The following SPTBN1 variants were observed in gnomAD, a reference collection of about 807,000 sequenced individuals.
SPTBN1 encodes spectrin beta chain, non-erythrocytic 1.
Under a neutral mutation model 266.4 loss-of-function variants are expected in SPTBN1, and 32 were observed. That is an observed-to-expected ratio of 0.12 (90% confidence interval 0.09 to 0.16). The LOEUF (loss-of-function observed/expected upper bound fraction) is 0.16, where lower values mean the gene tolerates loss of function less well. Among genes scored for constraint, SPTBN1 ranks in the 10% least tolerant of loss-of-function variants. The probability of loss-of-function intolerance (pLI) is 1.00; values close to 1 mark genes in which losing one functional copy is unlikely to be tolerated. For missense variants in SPTBN1, 2,296 were observed against 3,067.1 expected (o/e 0.75, Z 5.94); for synonymous variants, 1,336 against 1,162.2 (o/e 1.15, Z -3.04).
At chr2:54,572,118 TGAG>T (rs1674127520) in intron 2 of SPTBN1, among the ~76,000 whole-genome samples, 4 of 151,996 alleles carry the variant, frequency 2.6e-5, no homozygotes, top group East Asian at 1.9e-4. Flanking sequence ...TAAACTTTGG[TGAG>T]GAGAAGAGGA....
At chr2:54,516,009 A>G (rs1156496203) in intron 1 of SPTBN1, 1 of 152,210 alleles carries the variant, frequency 6.6e-6, no homozygotes. Context: ...CTGGGTGGGT[A>G]ACTGGCCTAG....
chr2:54,462,517 T>A (rs1295194106), intron 1 of SPTBN1, among the ~76,000 whole-genome samples: 2 of 152,240 alleles, frequency 1.3e-5, no homozygotes, highest in African/African-American at 4.8e-5. Flanking sequence ...ACTGCTACTC[T>A]GAGATTACTT....
At chr2:54,624,750 C>G (rs1049888719) in intron 10 of SPTBN1, 54 bp from the exon 11 acceptor site, 87 of 1,607,294 alleles carry the variant, frequency 5.4e-5, no homozygotes, top group Non-Finnish European at 6.7e-5. Context: ...CGGAAGTTTC[C>G]TTGAACACTG....
chr2:54,474,046 G>A (rs1391283799), intron 1 of SPTBN1, among the ~76,000 whole-genome samples: 2 of 152,224 alleles, frequency 1.3e-5, no homozygotes, highest in Non-Finnish European at 2.9e-5. Flanking sequence ...GCTGCAGATG[G>A]CAGCAGGGTG....
intron 1 of SPTBN1, among the ~76,000 whole-genome samples, chr2:54,500,682 G>A (rs182495214): frequency 2.7e-4 from 41 of 152,234 alleles, no homozygotes; most frequent in Admixed American, 5.9e-4. Flanking sequence ...TAGTAGCTGG[G>A]ACTACAGATG....
intron 2 of SPTBN1, among the ~76,000 whole-genome samples, chr2:54,576,572 G>T (rs944986843): frequency 2.6e-5 from 4 of 152,088 alleles, no homozygotes; most frequent in African/African-American, 7.2e-5. Context: ...TAGTTGATGC[G>T]CCACAGCTGC....
intron 1 of SPTBN1, among the ~76,000 whole-genome samples, chr2:54,518,313 G>A (rs1294522314): frequency 1.3e-4 from 19 of 151,954 alleles, no homozygotes; most frequent in Admixed American, 1.2e-3. Context: ...ATGGGGTGGG[G>A]AGATGGGGGA....
chr2:54,631,693 G>T, intron 16 of SPTBN1, 82 bp downstream of exon 16: 2 of 1,510,988 alleles, frequency 1.3e-6, no homozygotes, highest in Non-Finnish European at 1.8e-6. Flanking sequence ...GGGGCAGCTG[G>T]TTTAAACCAC....
intron 1 of SPTBN1, among the ~76,000 whole-genome samples, chr2:54,482,919 A>G (rs904642285): frequency 9.2e-5 from 14 of 152,360 alleles, no homozygotes; most frequent in African/African-American, 3.1e-4. Context: ...TGGCACCAGA[A>G]GCCCCACAGC....
chr2:54,555,182 A>G (rs1672793918), intron 2 of SPTBN1, among the ~76,000 whole-genome samples: 1 of 151,986 alleles, frequency 6.6e-6, no homozygotes, highest in Non-Finnish European at 1.5e-5. Context: ...CCAGGGCTCC[A>G]TGCTTAGCCC....
At chr2:54,532,109 G>A (rs1408806158) in intron 2 of SPTBN1, among the ~76,000 whole-genome samples, 2 of 152,130 alleles carry the variant, frequency 1.3e-5, no homozygotes, top group South Asian at 2.1e-4. Flanking sequence ...CCAACGTAGC[G>A]AAACCCCATC....
At chr2:54,471,127 T>C (rs1301250273) in intron 1 of SPTBN1, among the ~76,000 whole-genome samples, 3 of 152,210 alleles carry the variant, frequency 2.0e-5, no homozygotes, top group African/African-American at 7.2e-5. Flanking sequence ...CTCATGCCTG[T>C]AATCCCAGCA....
At chr2:54,610,283 C>G (rs1051136477) in intron 3 of SPTBN1, among the ~76,000 whole-genome samples, 3 of 152,216 alleles carry the variant, frequency 2.0e-5, no homozygotes, top group Non-Finnish European at 4.4e-5. Flanking sequence ...GTGTTACATT[C>G]TCCAGCCTTA....
rs141564421 is a variant in SPTBN1 at position 54,626,054 on chromosome 2, C to T, written c.1464C>T (p.Leu488=). Residue 488 remains leucine (L), a synonymous_variant, in exon 12 of 36, where the codon CTC becomes CTT. Coordinates refer to ENST00000356805, the MANE Select transcript of SPTBN1 (RefSeq NM_003128.3). This position sits in a 1 kb window ranked among gnomAD's most constrained non-coding sequence, Gnocchi z 4.7. The stretch of plus-strand genomic sequence containing the variant: ...CTGTGGTAGCCGTGGCCAGGGAGCT[C>T]GAGGCCGAGAATTACCACGACATCA... The part of the protein sequence containing the change: ...VQAVVAVARE[L]EAENYHDIKR... The T allele has an allele frequency of 1.6e-4, 253 of 1,614,010 alleles. No homozygotes were observed. The highest frequency in any genetic ancestry group is 8.0e-4 in the South Asian group (73 of 91,076).
Position 54,653,406 on chromosome 2 carries a change from A to G in SPTBN1, c.5578-203A>G. 1.5e-6 allele frequency: 1 copy of G among 682,500 alleles called. No homozygotes were observed. Among genetic ancestry groups the G allele is most frequent in the Non-Finnish European group, 2.3e-6 (1 of 435,172 alleles). 42.3% of individuals were successfully genotyped at this position (682,500 alleles called of 1,614,324 possible). A position where few individuals can be genotyped will look rare whatever the true frequency, so the allele number is the denominator to read the frequency against. On this transcript the variant is annotated intron_variant, in intron 26 of 35. Transcript: ENST00000356805. This position sits in a 1 kb window ranked among gnomAD's most constrained non-coding sequence, Gnocchi z 5.1. ...TTGTTTTATCATTCATAAAGAACTT[A>G]ATAATGTAGTTGAACAGATTTATAG...
At chr2:54,608,131 G>T (rs1412863568) in intron 3 of SPTBN1, among the ~76,000 whole-genome samples, 1 of 152,144 alleles carries the variant, frequency 6.6e-6, no homozygotes, top group African/African-American at 2.4e-5. Flanking sequence ...ACCAAGCCCA[G>T]TCTGTCTGCT....
intron 2 of SPTBN1, among the ~76,000 whole-genome samples, chr2:54,585,234 GT>G (rs1296609699): frequency 1.3e-5 from 2 of 152,176 alleles, no homozygotes; most frequent in African/African-American, 4.8e-5. Context: ...TAAAGCTTTG[GT>G]TAGTGTTCCT....
Position 54,653,778 on chromosome 2 carries a change from T to C in SPTBN1, c.5747T>C (p.Phe1916Ser), listed in dbSNP as rs1383452806. The C allele has an allele frequency of 6.2e-7, 1 of 1,614,228 alleles. No homozygotes were observed. Among genetic ancestry groups the C allele is most frequent in the Non-Finnish European group, 8.5e-7 (1 of 1,180,042 alleles). The change falls in exon 27 of 36, where the codon TTC (phenylalanine) becomes TCC (serine). Residue 1916 changes from phenylalanine (F) to serine (S), a missense_variant. Coordinates refer to ENST00000356805, the MANE Select transcript of SPTBN1 (RefSeq NM_003128.3). The surrounding 1 kb of genome is among the most constrained non-coding windows in gnomAD (Gnocchi z 5.1). ...RLVDTGDKFR[F>S]FSMVRDLMLW... is the part of the protein sequence containing the mutation. ...GTGGACACAGGGGACAAGTTCCGCT[T>C]CTTCAGCATGGTGCGCGACCTCATG...
At chr2:54,544,652 C>G (rs1263060922) in intron 2 of SPTBN1, among the ~76,000 whole-genome samples, 1 of 152,020 alleles carries the variant, frequency 6.6e-6, no homozygotes, top group Non-Finnish European at 1.5e-5. Context: ...GTACTAAATA[C>G]TACATCAAAA....
Sources: allele counts gnomAD v4.1 joint callset (sites outside exome capture counted in the v4.1 genomes callset), GRCh38; gene constraint gnomAD v4.1.1; non-coding constraint Gnocchi (gnomAD v3.1); transcripts MANE v1.5; gene names NCBI Gene and HGNC (gene_info 2026-07-23, HGNC 2026-07-21).